MMP15: variants seen among roughly 807,000 people sequenced by gnomAD.
MMP15 encodes the protein matrix metalloproteinase-15.
In MMP15, 36 loss-of-function variants were observed where a neutral mutation model predicts 65.0. The observed-to-expected ratio is 0.55, with a 90% CI of 0.42 to 0.73. MMP15 has a LOEUF of 0.73. Ranked by LOEUF, MMP15 falls within the 30% of genes least tolerant of loss-of-function variation. MMP15 has a pLI of 0.00. For missense variants in MMP15, 870 were observed against 987.8 expected (o/e 0.88, Z 1.60); for synonymous variants, 428 against 410.2 (o/e 1.04, Z -0.52).
chr16:58,036,689 C>T (rs1959336461), intron 1 of MMP15, among the ~76,000 whole-genome samples: 1 of 152,204 alleles, frequency 6.6e-6, no homozygotes, highest in Non-Finnish European at 1.5e-5. Flanking sequence ...AGGCTTCTGT[C>T]CTGCCCTTGA....
chr16:58,026,750 C>T (rs1963822599), intron 1 of MMP15, among the ~76,000 whole-genome samples: 1 of 152,230 alleles, frequency 6.6e-6, no homozygotes, highest in Admixed American at 6.5e-5. Context: ...CTCCTACAGC[C>T]CTGTTCTGGG....
chr16:58,044,126 T>G (rs1446214516), intron 9 of MMP15, among the ~76,000 whole-genome samples: 2 of 152,158 alleles, frequency 1.3e-5, no homozygotes, highest in Admixed American at 1.3e-4. Context: ...GCCTCTTCTG[T>G]TTCTCTAGCA....
In MMP15 at chr16:58,041,819, C is replaced by T. The variant is rs780401733; in HGVS notation, c.1113C>T (p.Asp371=). 25 of 1,611,580 alleles carry T rather than the reference C, an allele frequency of 1.6e-5. No individual in the cohort carries two copies. The highest frequency in any genetic ancestry group is 4.0e-5 in the African/African-American group (3 of 74,892). ...RPDQYGPNIC[D]GDFDTVAMLR... ...ACCAGTATGGCCCCAACATCTGCGA[C>T]GGGGACTTTGACACAGTGGCCATGC... Residue 371 remains aspartate (D), a synonymous_variant, in exon 6 of 10, where the codon GAC becomes GAT. Coordinates refer to ENST00000219271, the MANE Select transcript of MMP15 (RefSeq NM_002428.4).
chr16:58,028,543 C>T (rs577444132), intron 1 of MMP15, among the ~76,000 whole-genome samples: 3 of 152,198 alleles, frequency 2.0e-5, no homozygotes, highest in Non-Finnish European at 4.4e-5. Flanking sequence ...GCCCATCTGC[C>T]GGGGGCTGTG....
rs916875984 is a variant in MMP15, at chr16:58,026,021, G to A, written c.-330G>A. On this transcript the variant is annotated 5_prime_UTR_variant, in exon 1 of 10. Coordinates refer to ENST00000219271, the MANE Select transcript of MMP15 (RefSeq NM_002428.4). ...GGAGCGCCGCGGGACCGGGCGGCCG[G>A]AGCGCTGAGCCAGACAAAGGCTCCG... The A allele has an allele frequency of 1.4e-5, 3 of 207,998 alleles. No homozygotes were observed. The highest frequency in any genetic ancestry group is 1.9e-5 in the Non-Finnish European group (2 of 104,866). 12.9% of individuals were successfully genotyped at this position (207,998 alleles called of 1,614,324 possible).
chr16:58,029,878 T>A (rs147496831), intron 1 of MMP15, among the ~76,000 whole-genome samples: 141 of 152,252 alleles, frequency 9.3e-4, no homozygotes, highest in African/African-American at 3.2e-3. Context: ...CCATTCAGGA[T>A]GGCTACACTG....
At chr16:58,042,961 A>G (rs1199347972) in intron 7 of MMP15, among the ~76,000 whole-genome samples, 3 of 152,150 alleles carry the variant, frequency 2.0e-5, no homozygotes, top group Admixed American at 6.6e-5. Context: ...GGATGTGCAC[A>G]TGGAAGCGAG....
intron 1 of MMP15, among the ~76,000 whole-genome samples, chr16:58,030,638 G>A (rs1403174289): frequency 6.6e-6 from 1 of 152,160 alleles, no homozygotes; most frequent in Admixed American, 6.5e-5. Context: ...ACTGGCACTG[G>A]CACTGCCTTG....
Position 58,045,176 on chromosome 16 carries a change from C to G in MMP15, c.1740C>G (p.His580Gln). The stretch of plus-strand genomic sequence containing the variant: ...TGGCCCGGCCGCCCTTCAACCCCCA[C>G]GGGGGTGCAGAGCCCGGGGCGGACA... ...PDVARPPFNP[H>Q]GGAEPGADSA... is the part of the protein sequence containing the mutation. Residue 580 changes from histidine (H) to glutamine (Q), a missense_variant, in exon 10 of 10, where the codon CAC becomes CAG. His to Gln is a conservative substitution (Grantham distance 24). Coordinates refer to ENST00000219271, the MANE Select transcript of MMP15 (RefSeq NM_002428.4). The G allele has an allele frequency of 6.3e-7, 1 of 1,593,526 alleles. No homozygotes were observed. The highest frequency in any genetic ancestry group is 1.1e-5 in the South Asian group (1 of 88,716).
chr16:58,026,175 C>T lies in MMP15; in HGVS notation c.-176C>T, dbSNP rs1963810586. ...TCCGAGCTCCCGGACCTGCCCTGCC[C>T]GCTTCTCCTCGGGCTTGGGAATTTG... On this transcript the variant is annotated 5_prime_UTR_variant, in exon 1 of 10. Transcript: ENST00000219271. The T allele has an allele frequency of 1.1e-5, 7 of 624,906 alleles. No individual in the cohort carries two copies. Among genetic ancestry groups the T allele is most frequent in the Admixed American group, 4.4e-5 (1 of 22,570 alleles). 38.7% of individuals were successfully genotyped at this position (624,906 alleles called of 1,614,324 possible).
In MMP15 at chr16:58,045,096, C is replaced by G. The variant is rs1269422937; in HGVS notation, c.1660C>G (p.Arg554Gly). The change falls in exon 10 of 10, where the codon CGG (arginine) becomes GGG (glycine). Residue 554 changes from arginine (R) to glycine (G), a missense_variant. Physicochemically the swap from Arg to Gly is moderately radical, Grantham distance 125 (BLOSUM62 -2). Coordinates refer to ENST00000219271, the MANE Select transcript of MMP15 (RefSeq NM_002428.4). ...MEPGYPKSILRDFMGCQEHVE... is the reference protein window; with the variant it reads ...MEPGYPKSILGDFMGCQEHVE... Reference sequence around the variant, plus strand: ...GCCCGGCTACCCCAAGTCCATCCTGCGGGACTTCATGGGCTGCCAGGAGCA... The same window carrying G: ...GCCCGGCTACCCCAAGTCCATCCTGGGGGACTTCATGGGCTGCCAGGAGCA... The G allele has an allele frequency of 1.2e-6, 2 of 1,611,678 alleles. No individual in the cohort carries two copies. The highest frequency in any genetic ancestry group is 1.7e-6 in the Non-Finnish European group (2 of 1,179,200).
In MMP15 at chr16:58,045,216, G is replaced by C; in HGVS notation, c.1780G>C (p.Val594Leu). Residue 594 changes from valine (V) to leucine (L), a missense_variant, in exon 10 of 10, where the codon GTG (valine) becomes CTG (leucine). Physicochemically the swap from Val to Leu is conservative, Grantham distance 32 (BLOSUM62 1). Coordinates refer to ENST00000219271, the MANE Select transcript of MMP15 (RefSeq NM_002428.4). Reference sequence around the variant, plus strand: ...CGGGGCGGACAGCGCAGAGGGCGACGTGGGGGATGGGGATGGGGACTTTGG... The same window carrying C: ...CGGGGCGGACAGCGCAGAGGGCGACCTGGGGGATGGGGATGGGGACTTTGG... ...EPGADSAEGD[V>L]GDGDGDFGAG... is the part of the protein sequence containing the mutation. The C allele has an allele frequency of 6.3e-7, 1 of 1,597,710 alleles. No homozygotes were observed. Among genetic ancestry groups the C allele is most frequent in the Non-Finnish European group, 8.5e-7 (1 of 1,173,368 alleles).
chr16:58,040,790 T>C (rs1959437139), intron 5 of MMP15, 92 bp downstream of exon 5: 12 of 1,559,158 alleles, frequency 7.7e-6, no homozygotes, highest in Non-Finnish European at 1.1e-5. Flanking sequence ...ATTTTGTAGA[T>C]GAGGAACCCA....
At chr16:58,033,561 C>T (rs1332092633) in intron 1 of MMP15, among the ~76,000 whole-genome samples, 1 of 152,214 alleles carries the variant, frequency 6.6e-6, no homozygotes, top group African/African-American at 2.4e-5. Flanking sequence ...ATCTCCTTGC[C>T]ACTTACCTGA....
rs1282716695 is a variant in MMP15 at position 58,043,339 on chromosome 16, CCTT to C, written c.1441_1443del (p.Phe481del). 3.1e-6 allele frequency: 5 copies of C among 1,605,328 alleles called. No homozygotes were observed. Among genetic ancestry groups the C allele is most frequent in the Admixed American group, 1.7e-5 (1 of 59,194 alleles). On this transcript the variant is annotated inframe_deletion, in exon 8 of 10. Coordinates refer to ENST00000219271, the MANE Select transcript of MMP15 (RefSeq NM_002428.4). The stretch of plus-strand genomic sequence containing the variant: ...ATCTGGTGGGAGCCCACAGGCCACA[CCTT>C]CTTCTTCCAAGAGGACAGGTGAGCA...
intron 3 of MMP15, among the ~76,000 whole-genome samples, chr16:58,038,657 A>G (rs971125821): frequency 6.6e-6 from 1 of 152,334 alleles, no homozygotes; most frequent in Admixed American, 6.5e-5. Context: ...CTGCCCCAGC[A>G]CAGACTGCAG....
intron 1 of MMP15, among the ~76,000 whole-genome samples, chr16:58,033,941 A>C (rs1320986633): frequency 2.0e-5 from 3 of 152,226 alleles, no homozygotes; most frequent in Non-Finnish European, 4.4e-5. Flanking sequence ...CCACAGTGGC[A>C]GGTGCCCCCC....
At chr16:58,042,483 C>T in intron 7 of MMP15, 114 bp downstream of exon 7, 2 of 1,416,286 alleles carry the variant, frequency 1.4e-6, no homozygotes, top group Non-Finnish European at 9.6e-7. Context: ...GTCCTGTGCC[C>T]CCACTGTGGG....
At chr16:58,041,555 C>T in intron 5 of MMP15, 62 bp from the exon 6 acceptor site, 3 of 1,545,646 alleles carry the variant, frequency 1.9e-6, no homozygotes, top group Non-Finnish European at 2.6e-6. Context: ...GCTGGGGGCC[C>T]CGGGGCCCAG....
Sources: allele counts gnomAD v4.1 joint callset (sites outside exome capture counted in the v4.1 genomes callset), GRCh38; gene constraint gnomAD v4.1.1; transcripts MANE v1.5; gene names NCBI Gene and HGNC (gene_info 2026-07-23, HGNC 2026-07-21).